Variants in SAMD12 observed in about 807,000 individuals in gnomAD.
SAMD12 encodes the protein sterile alpha motif domain-containing protein 12.
In SAMD12, 9 loss-of-function variants were observed where a neutral mutation model predicts 15.0. The observed-to-expected ratio is 0.60, with a 90% CI of 0.36 to 1.05. SAMD12 has a LOEUF of 1.05. SAMD12 is among the 50% of genes least tolerant of loss of function. SAMD12 has a pLI of 0.01. For synonymous variants in SAMD12, 86 were observed against 90.1 expected (o/e 0.96, Z 0.25); for missense variants, 230 against 234.2 (o/e 0.98, Z 0.12).
intron 3 of SAMD12, among the ~76,000 whole-genome samples, chr8:118,424,557 A>T (rs569914998): frequency 1.8e-3 from 274 of 152,334 alleles, no homozygotes; most frequent in Non-Finnish European, 2.9e-3. Flanking sequence ...TATTCTAAAC[A>T]TTTAAGAGTA....
At chr8:118,360,024 T>C (rs1298580914) in intron 4 of SAMD12, among the ~76,000 whole-genome samples, 1 of 152,162 alleles carries the variant, frequency 6.6e-6, no homozygotes, top group Non-Finnish European at 1.5e-5. Context: ...TGGTCTGAGG[T>C]GGAGCTCTGG....
intron 4 of SAMD12, among the ~76,000 whole-genome samples, chr8:118,206,677 G>C (rs553763411): frequency 2.8e-4 from 42 of 152,298 alleles, no homozygotes; most frequent in African/African-American, 9.6e-4. Flanking sequence ...CTCTAGATGA[G>C]TGTTTCTCAA....
At chr8:118,347,692 G>T (rs181270021) in intron 4 of SAMD12, among the ~76,000 whole-genome samples, 3 of 152,290 alleles carry the variant, frequency 2.0e-5, no homozygotes, top group Admixed American at 2.0e-4. Context: ...TGATACAAAT[G>T]TTCTACAGAA....
the SAMD12 span, among the ~76,000 whole-genome samples, chr8:118,151,633 C>A: frequency 6.6e-6 from 1 of 151,760 alleles, no homozygotes; most frequent in African/African-American, 2.4e-5. Context: ...TCGAGACCAC[C>A]CTGACTAACA....
intron 2 of SAMD12, among the ~76,000 whole-genome samples, chr8:118,455,160 G>C (rs908841388): frequency 6.6e-6 from 1 of 152,022 alleles, no homozygotes; most frequent in Non-Finnish European, 1.5e-5. Flanking sequence ...GCTAATTCCA[G>C]TGTTACTTCT....
intron 2 of SAMD12, among the ~76,000 whole-genome samples, chr8:118,555,300 A>T (rs1348147845): frequency 6.6e-6 from 1 of 152,140 alleles, no homozygotes; most frequent in African/African-American, 2.4e-5. Context: ...TTTTCTTTAA[A>T]TCGCTAATAA....
chr8:118,243,008 A>T (rs1278227007), intron 4 of SAMD12, among the ~76,000 whole-genome samples: 2 of 152,178 alleles, frequency 1.3e-5, no homozygotes, highest in African/African-American at 4.8e-5. Context: ...AGGAAGCTCC[A>T]TCTTTGGTCT....
chr8:118,178,167 A>C, the SAMD12 span, among the ~76,000 whole-genome samples: 1 of 152,248 alleles, frequency 6.6e-6, no homozygotes, highest in African/African-American at 2.4e-5. Context: ...AATGTTTGAG[A>C]CTAGAGTTAA....
chr8:118,174,050 A>G, the SAMD12 span, among the ~76,000 whole-genome samples: 11 of 152,338 alleles, frequency 7.2e-5, no homozygotes, highest in Non-Finnish European at 1.6e-4. Context: ...GAGTCAGTAC[A>G]GTTCAAATCT....
At chr8:118,462,392 G>A (rs188484932) in intron 2 of SAMD12, among the ~76,000 whole-genome samples, 2 of 152,312 alleles carry the variant, frequency 1.3e-5, no homozygotes, top group East Asian at 3.9e-4. Context: ...ATAGGCATGT[G>A]CTGAATGTCA....
At chr8:118,537,426 G>A (rs573900019) in intron 2 of SAMD12, among the ~76,000 whole-genome samples, 1 of 151,962 alleles carries the variant, frequency 6.6e-6, no homozygotes, top group Admixed American at 6.5e-5. Context: ...CCCCTTTGAG[G>A]CATTTTCTAG....
chr8:118,435,852 T>C (rs1004985277), intron 3 of SAMD12, among the ~76,000 whole-genome samples: 1 of 152,222 alleles, frequency 6.6e-6, no homozygotes, highest in South Asian at 2.1e-4. Flanking sequence ...ACTGGCAAGA[T>C]GTTACAACCA....
At chr8:118,389,221 G>T (rs940775250) in intron 3 of SAMD12, among the ~76,000 whole-genome samples, 1 of 152,174 alleles carries the variant, frequency 6.6e-6, no homozygotes, top group African/African-American at 2.4e-5. Flanking sequence ...ATTTTAGTTA[G>T]AATTTCTTAC....
chr8:118,197,660 G>T, exon 5 of SAMD12: 1 of 1,504,924 alleles, frequency 6.6e-7, no homozygotes, highest in Non-Finnish European at 9.3e-7. Context: ...TGAGGAACAG[G>T]CCATGTTCAT....
intron 3 of SAMD12, among the ~76,000 whole-genome samples, chr8:118,399,306 C>T (rs560689241): frequency 6.6e-6 from 1 of 151,766 alleles, no homozygotes; most frequent in Non-Finnish European, 1.5e-5. Context: ...AATCAAACCA[C>T]AATTCCCAGC....
rs1817048200 is a variant in SAMD12 at position 118,336,170 on chromosome 8, T to C, written c.433+43390A>G. On this transcript the variant is annotated intron_variant, in intron 4 of 4. Transcript: ENST00000409003. ...ATCAGAGAGTGACGGCACAGATATT[T>C]GAACCCAGCTCTGACTAACTCTAAA... Among the ~76,000 whole-genome samples the C allele has an allele frequency of 4.6e-5, 7 of 152,208 alleles. No homozygotes were observed. The South Asian group carries it at 1.4e-3, about 32-fold the overall frequency.
chr8:118,451,652 T>C (rs1178967834), intron 2 of SAMD12, among the ~76,000 whole-genome samples: 1 of 152,198 alleles, frequency 6.6e-6, no homozygotes, highest in Non-Finnish European at 1.5e-5. Context: ...CTGTTGGCAC[T>C]GTGTTAAAAA....
At chr8:118,556,691 G>A (rs553189969) in intron 2 of SAMD12, among the ~76,000 whole-genome samples, 2 of 152,264 alleles carry the variant, frequency 1.3e-5, no homozygotes, top group South Asian at 4.1e-4. Context: ...GGGGCTGGGT[G>A]CGGTGGCTCA....
At chr8:118,140,531 C>G in the SAMD12 span, among the ~76,000 whole-genome samples, 1 of 152,158 alleles carries the variant, frequency 6.6e-6, no homozygotes, top group Non-Finnish European at 1.5e-5. Context: ...CTCAGTCTCC[C>G]AAAGTGCTGA....
Sources: gnomAD v4.1 joint callset for allele counts (sites outside exome capture counted in the v4.1 genomes callset) on GRCh38, gnomAD v4.1.1 for gene constraint, MANE v1.5 for transcripts, NCBI Gene and HGNC (gene_info 2026-07-23, HGNC 2026-07-21) for gene names.